Variants in FSTL5 observed in about 807,000 individuals in gnomAD.
FSTL5 encodes follistatin like 5, also known as follistatin-related protein 5.
A neutral mutation model predicts 89.1 loss-of-function variants in FSTL5; 62 were observed. The ratio of observed to expected loss-of-function variants is 0.70; its 90% CI spans 0.57 to 0.86. The LOEUF (loss-of-function observed/expected upper bound fraction) is 0.86. Among genes scored for constraint, FSTL5 ranks in the 40% least tolerant of loss-of-function variants. The pLI is 0.00. For missense variants in FSTL5, 1,057 were observed against 1,001.6 expected (o/e 1.06, Z -0.75); for synonymous variants, 383 against 346.2 (o/e 1.11, Z -1.18).
At chr4:161,575,624 T>C (rs1733182615) in intron 8 of FSTL5, among the ~76,000 whole-genome samples, 1 of 152,050 alleles carries the variant, frequency 6.6e-6, no homozygotes, top group African/African-American at 2.4e-5. Flanking sequence ...TGGCTAATTT[T>C]TGTATTTTTA....
intron 7 of FSTL5, among the ~76,000 whole-genome samples, chr4:161,626,063 T>C (rs1011504204): frequency 6.6e-6 from 1 of 152,086 alleles, no homozygotes; most frequent in African/African-American, 2.4e-5. Flanking sequence ...TTCCATAATG[T>C]AAAAGTGCAT....
At chr4:161,429,190 T>C (rs2872528) in intron 15 of FSTL5, among the ~76,000 whole-genome samples, 20,981 of 152,002 alleles carry the variant, frequency 0.14, 1,738 homozygotes, top group East Asian at 0.24. Flanking sequence ...GCAGCTTAGT[T>C]GCAGTAGAAT....
At chr4:161,545,155 A>G (rs933739274) in intron 8 of FSTL5, among the ~76,000 whole-genome samples, 1 of 152,044 alleles carries the variant, frequency 6.6e-6, no homozygotes, top group South Asian at 2.1e-4. Context: ...TTCAGAAATC[A>G]TAAGTAACTT....
intron 3 of FSTL5, among the ~76,000 whole-genome samples, chr4:161,944,333 TA>T (rs971104379): frequency 5.9e-5 from 9 of 151,858 alleles, no homozygotes; most frequent in African/African-American, 1.7e-4. Flanking sequence ...ATTGCCAGTA[TA>T]AAAAAAATCT....
chr4:161,499,381 T>C (rs138172239), intron 12 of FSTL5, among the ~76,000 whole-genome samples: 1,557 of 152,280 alleles, frequency 0.01, 30 homozygotes, highest in African/African-American at 0.035. Flanking sequence ...AGGAGGAAAC[T>C]GACCTCCTGG....
At chr4:161,585,030 T>C (rs1221189801) in intron 8 of FSTL5, among the ~76,000 whole-genome samples, 1 of 152,170 alleles carries the variant, frequency 6.6e-6, no homozygotes, top group African/African-American at 2.4e-5. Context: ...GAGCACTCTG[T>C]TTCTGAGACC....
chr4:161,457,168 G>T (rs73861534), intron 14 of FSTL5, among the ~76,000 whole-genome samples: 2,796 of 152,088 alleles, frequency 0.018, 85 homozygotes, highest in African/African-American at 0.063. Context: ...CATATTGTTT[G>T]CCAATCAATG....
chr4:161,645,598 A>G (rs951688799), intron 7 of FSTL5, among the ~76,000 whole-genome samples: 3 of 152,182 alleles, frequency 2.0e-5, no homozygotes, highest in African/African-American at 7.2e-5. Context: ...GTTTGACAAT[A>G]CTTATGATTA....
chr4:162,031,738 C>A (rs1234882751), intron 3 of FSTL5, among the ~76,000 whole-genome samples: 1 of 152,076 alleles, frequency 6.6e-6, no homozygotes, highest in Non-Finnish European at 1.5e-5. Context: ...GAGATCGAGA[C>A]CGTCCTGGCC....
chr4:161,932,748 T>C lies in FSTL5; in HGVS notation c.161-12096A>G, dbSNP rs186521386. Among the ~76,000 whole-genome samples the C allele has an allele frequency of 2.1e-3, 315 of 152,088 alleles. 1 individual carries two copies. The highest frequency in any genetic ancestry group is 7.1e-3 in the African/African-American group (296 of 41,550). On this transcript the variant is annotated intron_variant, in intron 3 of 15. Transcript: ENST00000306100. Reference sequence around the variant, plus strand: ...TTCCATATTTATGTCTTTTGCAAATTTGAAATCTTCACTCATTCATAAAAT... The same window carrying C: ...TTCCATATTTATGTCTTTTGCAAATCTGAAATCTTCACTCATTCATAAAAT...
At chr4:161,684,749 T>C (rs922933098) in intron 6 of FSTL5, among the ~76,000 whole-genome samples, 7 of 152,222 alleles carry the variant, frequency 4.6e-5, no homozygotes, top group Admixed American at 3.9e-4. Context: ...CCTTTTGCCG[T>C]GCAAAAGCTC....
At chr4:161,496,783 G>A (rs1192738200) in intron 12 of FSTL5, among the ~76,000 whole-genome samples, 1 of 141,430 alleles carries the variant, frequency 7.1e-6, no homozygotes, top group African/African-American at 2.5e-5. Context: ...GATAGATAGA[G>A]AAAAAGATAG....
At chr4:162,000,382 G>A (rs751944779) in intron 3 of FSTL5, among the ~76,000 whole-genome samples, 1 of 152,028 alleles carries the variant, frequency 6.6e-6, no homozygotes, top group Non-Finnish European at 1.5e-5. Context: ...CCTGAGGTCA[G>A]GAGTTTGAGA....
At chr4:161,638,097 C>G (rs1290353573) in intron 7 of FSTL5, among the ~76,000 whole-genome samples, 2 of 147,758 alleles carry the variant, frequency 1.4e-5, no homozygotes, top group Admixed American at 1.4e-4. Context: ...TACCCATGAG[C>G]ATGGAATGTT....
chr4:161,829,075 T>C (rs1045224451), intron 4 of FSTL5, among the ~76,000 whole-genome samples: 82 of 149,776 alleles, frequency 5.5e-4, no homozygotes, highest in African/African-American at 1.7e-3. Flanking sequence ...ATTTATGAGA[T>C]ACTTGATAAA....
chr4:162,160,183 ATTAT>A lies in FSTL5; in HGVS notation c.-17+3428_-17+3431del, dbSNP rs139870277. Among the ~76,000 whole-genome samples, 967 of 151,262 alleles carry A rather than the reference ATTAT, an allele frequency of 6.4e-3. 7 individuals carry two copies. Among genetic ancestry groups the A allele is most frequent in the Middle Eastern group, 0.038 (11 of 292 alleles). On this transcript the variant is annotated intron_variant, in intron 1 of 15. Coordinates refer to ENST00000306100, the MANE Select transcript of FSTL5 (RefSeq NM_020116.5). Reference sequence around the variant, plus strand: ...TCTAATTGTCTCAATTACTTATACTATTATTTAATTCATCCTCTTTCAGAAAACC... The same window carrying A: ...TCTAATTGTCTCAATTACTTATACTATTAATTCATCCTCTTTCAGAAAACC...
intron 15 of FSTL5, among the ~76,000 whole-genome samples, chr4:161,416,417 C>T (rs1252334080): frequency 6.6e-6 from 1 of 152,146 alleles, no homozygotes; most frequent in Non-Finnish European, 1.5e-5. Context: ...GATTTTCTTT[C>T]CCTACTATTT....
At chr4:161,762,153 G>T (rs974556149) in intron 5 of FSTL5, among the ~76,000 whole-genome samples, 5 of 151,916 alleles carry the variant, frequency 3.3e-5, no homozygotes, top group Non-Finnish European at 5.9e-5. Context: ...ATTTTTGTTT[G>T]TTTGTTTTTG....
intron 5 of FSTL5, among the ~76,000 whole-genome samples, chr4:161,763,179 G>A (rs1041596309): frequency 6.6e-6 from 1 of 152,026 alleles, no homozygotes; most frequent in African/African-American, 2.4e-5. Context: ...TATGTGTCAG[G>A]CATTGTCCAA....
Sources: gnomAD v4.1 joint callset for allele counts (sites outside exome capture counted in the v4.1 genomes callset) on GRCh38, gnomAD v4.1.1 for gene constraint, MANE v1.5 for transcripts, NCBI Gene and HGNC (gene_info 2026-07-23, HGNC 2026-07-21) for gene names.